The following VPS39 variants were observed in gnomAD, a reference collection of about 807,000 sequenced individuals.
VPS39 encodes the protein VPS39 subunit of HOPS complex.
Under a neutral mutation model 121.0 loss-of-function variants are expected in VPS39, and 70 were observed. The ratio of observed to expected loss-of-function variants is 0.58; its 90% CI spans 0.48 to 0.71. The LOEUF is 0.71. Ranked by LOEUF, VPS39 falls within the 30% of genes least tolerant of loss-of-function variation. The pLI, the probability that VPS39 is intolerant of heterozygous loss-of-function variation, is 0.00. For missense variants in VPS39, 818 were observed against 1,051.5 expected (o/e 0.78, Z 3.07); for synonymous variants, 378 against 398.1 (o/e 0.95, Z 0.60).
chr15:42,185,008 T>C (rs1407720851), intron 7 of VPS39, among the ~76,000 whole-genome samples: 1 of 152,204 alleles, frequency 6.6e-6, no homozygotes, highest in Non-Finnish European at 1.5e-5. Context: ...TGTTGGTTTC[T>C]TACAAAGTTT....
At chr15:42,196,617 CAAT>C (rs1179182587) in intron 2 of VPS39, among the ~76,000 whole-genome samples, 1 of 152,192 alleles carries the variant, frequency 6.6e-6, no homozygotes, top group Admixed American at 6.5e-5. Context: ...ATCAAAACCA[CAAT>C]GAGATACCAT....
At chr15:42,187,921 T>A in intron 5 of VPS39, 65 bp from the exon 6 acceptor site, 1 of 1,462,042 alleles carries the variant, frequency 6.8e-7, no homozygotes, top group Non-Finnish European at 9.6e-7. Context: ...GATAACTAAA[T>A]TAGAGATTGT....
rs1406135234 is a variant in VPS39, at chr15:42,199,757, C to T, written c.139+139G>A. 7 of 871,102 alleles carry T rather than the reference C, an allele frequency of 8.0e-6. No individual in the cohort carries two copies. The African/African-American group carries it at 1.2e-4, about 15-fold the overall frequency. The allele number at this position is 871,102 out of a possible 1,614,324, so 54.0% of individuals were successfully genotyped here. On this transcript the variant is annotated intron_variant, in intron 2 of 24. Transcript: ENST00000318006. ...GGAGGAGAAAAACCCTAGGCATTCT[C>T]AAGTCTTCTCCCCATTTTCCCACCG...
At chr15:42,183,283 T>G (rs1481343303) in intron 8 of VPS39, among the ~76,000 whole-genome samples, 4 of 151,430 alleles carry the variant, frequency 2.6e-5, no homozygotes, top group African/African-American at 9.7e-5. Flanking sequence ...TTTTTTCGTG[T>G]TTGAGACGGG....
At chr15:42,184,381 A>C (rs2049655127) in intron 8 of VPS39, 136 bp downstream of exon 8, 4 of 859,332 alleles carry the variant, frequency 4.7e-6, no homozygotes, top group Non-Finnish European at 5.0e-6. Context: ...AATGTCATCT[A>C]CTTATAAGAA....
At chr15:42,177,379 T>G (rs1160275862) in intron 10 of VPS39, among the ~76,000 whole-genome samples, 3 of 152,044 alleles carry the variant, frequency 2.0e-5, no homozygotes, top group African/African-American at 7.2e-5. Flanking sequence ...GTGGTCACTA[T>G]TTTGCTGTGA....
At chr15:42,180,799 G>A (rs545145971) in intron 8 of VPS39, among the ~76,000 whole-genome samples, 2 of 152,220 alleles carry the variant, frequency 1.3e-5, no homozygotes, top group Admixed American at 1.3e-4. Flanking sequence ...TCAAGAATCC[G>A]TAAAGAACTA....
chr15:42,193,645 CA>C (rs1489987348), intron 2 of VPS39, among the ~76,000 whole-genome samples: 4 of 152,286 alleles, frequency 2.6e-5, no homozygotes, highest in Admixed American at 2.6e-4. Flanking sequence ...ACCTACATTT[CA>C]TTATAGGATG....
At chr15:42,197,591 T>C (rs971063727) in intron 2 of VPS39, among the ~76,000 whole-genome samples, 3 of 152,188 alleles carry the variant, frequency 2.0e-5, no homozygotes, top group Non-Finnish European at 2.9e-5. Flanking sequence ...GAGATGTCTA[T>C]TGAGGAATGT....
chr15:42,165,562 T>A (rs2049225146), intron 17 of VPS39, 156 bp downstream of exon 17: 2 of 595,112 alleles, frequency 3.4e-6, no homozygotes, highest in Non-Finnish European at 5.9e-6. Context: ...CAGCTTGGTC[T>A]ACTGGGATCT....
At chr15:42,206,859 T>C (rs1172847649) in intron 1 of VPS39, among the ~76,000 whole-genome samples, 1 of 152,232 alleles carries the variant, frequency 6.6e-6, no homozygotes, top group Non-Finnish European at 1.5e-5. Flanking sequence ...AATCCTTTCA[T>C]GCAGTGTCAG....
intron 2 of VPS39, 40 bp from the exon 3 acceptor site, chr15:42,191,600 G>A: frequency 3.8e-6 from 6 of 1,572,830 alleles, no homozygotes; most frequent in Non-Finnish European, 5.2e-6. Context: ...CCAAATACAG[G>A]GATACATAGA....
intron 8 of VPS39, 94 bp from the exon 9 acceptor site, chr15:42,178,664 A>T (rs2049509574): frequency 1.3e-6 from 2 of 1,529,142 alleles, no homozygotes; most frequent in South Asian, 2.4e-5. Flanking sequence ...ATTTAAATGG[A>T]TCTCCAAAAA....
chr15:42,208,269 T>C lies in VPS39; in HGVS notation c.-116A>G. Reference sequence around the variant, plus strand: ...GGGATCCGGCCAGGAACCCCCCGGCTACAGGCCCTTCAACAACACAGCCAT... The same window carrying C: ...GGGATCCGGCCAGGAACCCCCCGGCCACAGGCCCTTCAACAACACAGCCAT... On this transcript the variant is annotated 5_prime_UTR_variant, in exon 1 of 25. The change abolishes the stop of an existing upstream ORF in the 5' untranslated region. Coordinates refer to ENST00000318006, the MANE Select transcript of VPS39 (RefSeq NM_015289.5). The C allele has an allele frequency of 7.4e-7, 1 of 1,357,330 alleles. No individual in the cohort carries two copies. Among genetic ancestry groups the C allele is most frequent in the Non-Finnish European group, 1.0e-6 (1 of 996,058 alleles). 84.1% of individuals were successfully genotyped at this position (1,357,330 alleles called of 1,614,324 possible). A position where few individuals can be genotyped will look rare whatever the true frequency, so the allele number is the denominator to read the frequency against.
chr15:42,163,099 A>G (rs2049167852), intron 21 of VPS39, among the ~76,000 whole-genome samples: 1 of 152,226 alleles, frequency 6.6e-6, no homozygotes, highest in Non-Finnish European at 1.5e-5. Flanking sequence ...CTCATAATTT[A>G]TGACACAAAT....
intron 2 of VPS39, among the ~76,000 whole-genome samples, chr15:42,195,705 A>G (rs985113878): frequency 6.6e-6 from 1 of 152,260 alleles, no homozygotes; most frequent in Non-Finnish European, 1.5e-5. Flanking sequence ...TTCCATGATC[A>G]TGGATAGGAA....
intron 8 of VPS39, among the ~76,000 whole-genome samples, chr15:42,179,575 C>CAATAAATA (rs372735737): frequency 1.3e-3 from 138 of 108,064 alleles, no homozygotes; most frequent in South Asian, 1.3e-3. Flanking sequence ...GACTCCATCT[C>CAATAAATA]AATAAATAAA....
rs182526317 is a variant in VPS39 at position 42,165,681 on chromosome 15, T to A, written c.1779+37A>T. 2.5e-5 allele frequency: 39 copies of A among 1,570,410 alleles called. No individual in the cohort carries two copies. In the African/African-American group the frequency reaches 4.9e-4, roughly 20 times the overall value. On this transcript the variant is annotated intron_variant, in intron 17 of 24. Coordinates refer to ENST00000318006, the MANE Select transcript of VPS39 (RefSeq NM_015289.5). Reference sequence around the variant, plus strand: ...GAACCACGCAGTCCTGGATCCTGGGTTTAAAGCTTTTTAGTGCAGACCAAA... The same window carrying A: ...GAACCACGCAGTCCTGGATCCTGGGATTAAAGCTTTTTAGTGCAGACCAAA...
At chr15:42,162,607 G>C in intron 21 of VPS39, 126 bp from the exon 22 acceptor site, 2 of 1,139,332 alleles carry the variant, frequency 1.8e-6, no homozygotes, top group Middle Eastern at 2.7e-4. Flanking sequence ...ATGTAAAACT[G>C]GTCATTTTCA....
Sources: gnomAD v4.1 joint callset for allele counts (sites outside exome capture counted in the v4.1 genomes callset) on GRCh38, gnomAD v4.1.1 for gene constraint, MANE v1.5 for transcripts, NCBI Gene and HGNC (gene_info 2026-07-23, HGNC 2026-07-21) for gene names.